The following PCDH15 variants were observed in gnomAD, a reference collection of about 807,000 sequenced individuals.
The protein encoded by PCDH15 is protocadherin-15.
Under a neutral mutation model 178.5 loss-of-function variants are expected in PCDH15, and 129 were observed. That is an observed-to-expected ratio of 0.72 (90% confidence interval 0.63 to 0.84). PCDH15 has a LOEUF of 0.84. Ranked by LOEUF, PCDH15 falls within the 40% of genes least tolerant of loss-of-function variation. The probability of loss-of-function intolerance (pLI) is 0.00; values close to 1 mark genes in which losing one functional copy is unlikely to be tolerated. For missense variants in PCDH15, 2,230 were observed against 2,099.9 expected (o/e 1.06, Z -1.21); for synonymous variants, 800 against 732.0 (o/e 1.09, Z -1.50).
intron 2 of PCDH15, among the ~76,000 whole-genome samples, chr10:55,597,412 A>C (rs1389662002): frequency 6.6e-6 from 1 of 152,092 alleles, no homozygotes; most frequent in African/African-American, 2.4e-5. Context: ...GCCGACCCCC[A>C]GAAACAAGAT....
intron 2 of PCDH15, among the ~76,000 whole-genome samples, chr10:54,969,135 A>G (rs867809911): frequency 1.3e-5 from 2 of 151,870 alleles, no homozygotes; most frequent in African/African-American, 4.8e-5. Context: ...TAAAATACCT[A>G]GTAATGTTTC....
intron 1 of PCDH15, among the ~76,000 whole-genome samples, chr10:55,170,006 AGGAAAGG>A (rs1839289794): frequency 6.6e-6 from 1 of 152,036 alleles, no homozygotes; most frequent in South Asian, 2.1e-4. Flanking sequence ...GAAGGAAGGA[AGGAAAGG>A]AGGAGGAAGG....
At chr10:54,492,279 G>C (rs2079667387) in intron 3 of PCDH15, among the ~76,000 whole-genome samples, 1 of 152,160 alleles carries the variant, frequency 6.6e-6, no homozygotes, top group Admixed American at 6.6e-5. Context: ...CCAGTAGAGA[G>C]ATGTGCTGAG....
At chr10:55,038,840 G>A (rs1488521326) in intron 2 of PCDH15, among the ~76,000 whole-genome samples, 3 of 152,092 alleles carry the variant, frequency 2.0e-5, no homozygotes, top group Non-Finnish European at 4.4e-5. Context: ...AAACCATATT[G>A]ACCTAAACAA....
At chr10:54,809,936 G>A (rs905294569) in intron 3 of PCDH15, among the ~76,000 whole-genome samples, 15 of 152,218 alleles carry the variant, frequency 9.9e-5, no homozygotes, top group African/African-American at 3.6e-4. Flanking sequence ...GCCGTTAGTA[G>A]TTTTAAGACT....
At chr10:55,431,741 T>C (rs1449278255) in intron 2 of PCDH15, among the ~76,000 whole-genome samples, 1 of 152,116 alleles carries the variant, frequency 6.6e-6, no homozygotes, top group Non-Finnish European at 1.5e-5. Context: ...TTTAATGGAA[T>C]ATTTCATGTA....
chr10:55,070,852 A>G (rs1436881486), intron 2 of PCDH15, among the ~76,000 whole-genome samples: 3 of 152,066 alleles, frequency 2.0e-5, no homozygotes, highest in Admixed American at 2.0e-4. Context: ...CATTGAATCT[A>G]TAAATTACCT....
At chr10:54,603,441 T>A (rs796993419) in intron 2 of PCDH15, among the ~76,000 whole-genome samples, 1 of 152,010 alleles carries the variant, frequency 6.6e-6, no homozygotes, top group African/African-American at 2.4e-5. Flanking sequence ...GTATGTATTT[T>A]TTTCTGTCTT....
chr10:54,811,960 A>T (rs2133729833), intron 3 of PCDH15, among the ~76,000 whole-genome samples: 1 of 152,262 alleles, frequency 6.6e-6, no homozygotes, highest in South Asian at 2.1e-4. Flanking sequence ...CCTGTCTCTC[A>T]TTTATAAATA....
At chr10:54,264,728 TA>T (rs1438544164) in intron 8 of PCDH15, among the ~76,000 whole-genome samples, 1 of 152,066 alleles carries the variant, frequency 6.6e-6, no homozygotes, top group Non-Finnish European at 1.5e-5. Flanking sequence ...AAATATTTTT[TA>T]AAAAGACAAA....
chr10:53,831,042 A>T (rs2076985949), intron 30 of PCDH15: 1 of 645,808 alleles, frequency 1.5e-6, no homozygotes. Context: ...AAAGAAGAGC[A>T]TAAACAAAGC....
chr10:54,928,296 G>C (rs1358423330), intron 2 of PCDH15, among the ~76,000 whole-genome samples: 2 of 152,080 alleles, frequency 1.3e-5, no homozygotes, highest in African/African-American at 2.4e-5. Flanking sequence ...TTTCTGCTGA[G>C]AGGTCTGCTA....
chr10:55,441,709 T>C (rs952583660), intron 2 of PCDH15, among the ~76,000 whole-genome samples: 12 of 152,202 alleles, frequency 7.9e-5, no homozygotes, highest in Non-Finnish European at 1.8e-4. Context: ...ATACCTGTGA[T>C]AGAGTGAATG....
At chr10:53,854,698 G>C (rs2078609865) in intron 28 of PCDH15, among the ~76,000 whole-genome samples, 1 of 151,940 alleles carries the variant, frequency 6.6e-6, no homozygotes, top group Non-Finnish European at 1.5e-5. Context: ...TACTGACTTT[G>C]AGCTGCTAGC....
chr10:54,337,476 G>A (rs1257095472), intron 6 of PCDH15, among the ~76,000 whole-genome samples: 2 of 152,054 alleles, frequency 1.3e-5, no homozygotes, highest in Non-Finnish European at 2.9e-5. Context: ...CCAGCCACGT[G>A]GAACTGTGGG....
intron 3 of PCDH15, among the ~76,000 whole-genome samples, chr10:54,460,243 C>T (rs111439223): frequency 1.4e-4 from 22 of 151,854 alleles, no homozygotes; most frequent in Admixed American, 8.5e-4. Context: ...TACTGAATAC[C>T]GGCTATGTGC....
chr10:55,432,697 G>A (rs1456897743), intron 2 of PCDH15, among the ~76,000 whole-genome samples: 1 of 152,094 alleles, frequency 6.6e-6, no homozygotes, highest in Non-Finnish European at 1.5e-5. Context: ...TCATCATTGT[G>A]TAAAGCCATG....
At chr10:55,343,817 G>A (rs990849580) in intron 2 of PCDH15, among the ~76,000 whole-genome samples, 2 of 152,022 alleles carry the variant, frequency 1.3e-5, no homozygotes, top group Non-Finnish European at 1.5e-5. Context: ...TTACGTGCCA[G>A]GCATGTTCTA....
chr10:54,575,132 A>G (rs957344921), intron 2 of PCDH15: 5 of 128,636 alleles, frequency 3.9e-5, no homozygotes, highest in African/African-American at 1.5e-4. Flanking sequence ...AGGGAATATC[A>G]CACTCTGGGG....
Sources: gnomAD v4.1 joint callset for allele counts (sites outside exome capture counted in the v4.1 genomes callset) on GRCh38, gnomAD v4.1.1 for gene constraint, MANE v1.5 for transcripts, NCBI Gene and HGNC (gene_info 2026-07-23, HGNC 2026-07-21) for gene names.